Variants in NTNG2 observed in about 807,000 individuals in gnomAD.
The protein encoded by NTNG2 is netrin-G2.
NTNG2 carries 15 observed loss-of-function variants against 47.6 expected under a neutral mutation model. The observed-to-expected ratio is 0.32, with a 90% confidence interval of 0.21 to 0.49. The LOEUF is 0.49. NTNG2 is among the 20% of genes least tolerant of loss of function. NTNG2 has a pLI of 0.99. For missense variants in NTNG2, 578 were observed against 764.6 expected, an observed-to-expected ratio of 0.76 and a Z score of 2.88; for synonymous variants, 307 against 324.6, an observed-to-expected ratio of 0.95 and a Z score of 0.58.
At chr9:132,234,431 A>C (rs1320831926) in intron 5 of NTNG2, among the ~76,000 whole-genome samples, 1 of 152,210 alleles carries the variant, frequency 6.6e-6, no homozygotes, top group African/African-American at 2.4e-5. Flanking sequence ...CATGGCGAGA[A>C]CTTGCTTCCC....
chr9:132,179,594 G>A lies in NTNG2; in HGVS notation c.213+12550G>A, dbSNP rs73658418. On this transcript the variant is annotated intron_variant, in intron 2 of 7. Coordinates refer to ENST00000393229, the MANE Select transcript of NTNG2 (RefSeq NM_032536.4). ...TGTGCTGGACGCCTGGGAGCCTCATGAGTGAGAGACTGGGGCACACGTGCT... is the reference window on the plus strand; with the variant it reads ...TGTGCTGGACGCCTGGGAGCCTCATAAGTGAGAGACTGGGGCACACGTGCT... 2.0e-3 allele frequency among the ~76,000 whole-genome samples: 304 copies of A among 152,342 alleles called. 5 individuals are homozygous for A. Among genetic ancestry groups the A allele is most frequent in the African/African-American group, 6.5e-3 (269 of 41,586 alleles).
At chr9:132,205,502 C>T (rs28584157) in intron 3 of NTNG2, among the ~76,000 whole-genome samples, 1 of 152,130 alleles carries the variant, frequency 6.6e-6, no homozygotes, top group Admixed American at 6.5e-5. Context: ...CTTCAGTTTG[C>T]GATGATTTAA....
chr9:132,188,506 C>T (rs575826663), intron 2 of NTNG2, among the ~76,000 whole-genome samples: 10 of 152,350 alleles, frequency 6.6e-5, no homozygotes, highest in Admixed American at 2.0e-4. Flanking sequence ...CATGACCCTG[C>T]GACATTGCTC....
At chr9:132,219,586 AAAGAAAGAAAGAAAG>A (rs1197276960) in intron 3 of NTNG2, among the ~76,000 whole-genome samples, 1 of 144,842 alleles carries the variant, frequency 6.9e-6, no homozygotes. Context: ...AAAAAAAAAA[AAAGAAAGAAAGAAAG>A]AAAGAAATTA....
At chr9:132,185,394 C>T (rs1354557554) in intron 2 of NTNG2, among the ~76,000 whole-genome samples, 1 of 152,160 alleles carries the variant, frequency 6.6e-6, no homozygotes, top group Non-Finnish European at 1.5e-5. Flanking sequence ...GCCAGGGGGG[C>T]CTGTCCCTCA....
chr9:132,188,426 AT>A (rs1193313469), intron 2 of NTNG2, among the ~76,000 whole-genome samples: 14 of 152,062 alleles, frequency 9.2e-5, no homozygotes, highest in African/African-American at 3.4e-4. Flanking sequence ...CCATTTCCCA[AT>A]TTGTCTCAGG....
chr9:132,200,669 G>GGGCAAA (rs1229293790), intron 3 of NTNG2, among the ~76,000 whole-genome samples: 1 of 152,164 alleles, frequency 6.6e-6, no homozygotes, highest in African/African-American at 2.4e-5. Context: ...GATTCCAGGT[G>GGGCAAA]GGCAAAGGCA....
At chr9:132,175,310 G>A (rs747851628) in intron 2 of NTNG2, among the ~76,000 whole-genome samples, 7 of 152,170 alleles carry the variant, frequency 4.6e-5, no homozygotes, top group Non-Finnish European at 1.0e-4. Flanking sequence ...CTGACCGCTC[G>A]CTAGGGTTAG....
chr9:132,181,142 G>A (rs1480885366), intron 2 of NTNG2, among the ~76,000 whole-genome samples: 2 of 151,838 alleles, frequency 1.3e-5, no homozygotes, highest in Admixed American at 6.6e-5. Flanking sequence ...GGAGTGCAGT[G>A]AAGCAGTCTT....
At position 132,197,952 on chromosome 9, in the gene NTNG2, T is replaced by C. The variant is rs766954267; in HGVS notation, c.214-14T>C. 9.4e-6 allele frequency: 15 copies of C among 1,600,342 alleles called. No homozygotes were observed. The African/African-American group carries it at 2.0e-4, about 21-fold the overall frequency. On this transcript the variant is annotated splice_polypyrimidine_tract_variant and intron_variant, in intron 2 of 7. Transcript: ENST00000393229. The surrounding 1 kb of genome is among the most constrained non-coding windows in gnomAD (Gnocchi z 4.3). ...TCCAGCACCCACCCTTCCCTTCTCCTCTCCCCGCTGCAGGAGAATCCCTAC... is the reference window on the plus strand; with the variant it reads ...TCCAGCACCCACCCTTCCCTTCTCCCCTCCCCGCTGCAGGAGAATCCCTAC...
chr9:132,227,169 A>C, intron 4 of NTNG2, 148 bp downstream of exon 4: 2 of 890,198 alleles, frequency 2.2e-6, no homozygotes, highest in Non-Finnish European at 3.3e-6. Flanking sequence ...ACACAGAAAC[A>C]TACGAGCATG....
chr9:132,196,260 G>A (rs1838306172), intron 2 of NTNG2, among the ~76,000 whole-genome samples: 1 of 152,056 alleles, frequency 6.6e-6, no homozygotes, highest in Admixed American at 6.5e-5. Flanking sequence ...GCACGATCTC[G>A]GCTCACTGCA....
chr9:132,183,684 G>A (rs1295270700), intron 2 of NTNG2, among the ~76,000 whole-genome samples: 1 of 152,178 alleles, frequency 6.6e-6, no homozygotes, highest in East Asian at 1.9e-4. Context: ...GTGACCTTGA[G>A]CAAGCATCTG....
intron 2 of NTNG2, among the ~76,000 whole-genome samples, chr9:132,179,335 CTA>C (rs1270877524): frequency 6.6e-6 from 1 of 152,198 alleles, no homozygotes; most frequent in African/African-American, 2.4e-5. Flanking sequence ...GAGCTCCCGC[CTA>C]TGTGTCACTA....
intron 2 of NTNG2, among the ~76,000 whole-genome samples, chr9:132,191,763 G>A (rs979488821): frequency 9.2e-5 from 14 of 152,044 alleles, no homozygotes; most frequent in East Asian, 1.9e-4. Flanking sequence ...TAGTAGAGAC[G>A]GGGTTTCACT....
rs926674070 is a variant in NTNG2 at position 132,162,164 on chromosome 9, G to C, written c.-559G>C. The C allele has an allele frequency of 2.6e-5, 4 of 152,586 alleles. No homozygotes were observed. Among genetic ancestry groups the C allele is most frequent in the East Asian group, 1.9e-4 (1 of 5,148 alleles). 9.5% of individuals were successfully genotyped at this position (152,586 alleles called of 1,614,324 possible). ...GCCCCCACCCAGCGCCAGCCCGAGG[G>C]GGGAGGCGCAGCGCCGGAGGGTGGC... On this transcript the variant is annotated 5_prime_UTR_variant, in exon 1 of 8. Coordinates refer to ENST00000393229, the MANE Select transcript of NTNG2 (RefSeq NM_032536.4). The surrounding 1 kb of genome is among the most constrained non-coding windows in gnomAD (Gnocchi z 4.6).
chr9:132,234,542 A>T (rs1244766663), intron 5 of NTNG2, among the ~76,000 whole-genome samples: 2 of 152,202 alleles, frequency 1.3e-5, no homozygotes, highest in African/African-American at 2.4e-5. Flanking sequence ...GCCTCCCAAC[A>T]GGTGCTTCGG....
chr9:132,232,175 T>A (rs908935502), intron 5 of NTNG2: 2 of 152,418 alleles, frequency 1.3e-5, no homozygotes, highest in Admixed American at 1.3e-4. Flanking sequence ...TATCTCCCAA[T>A]GGTGCTTCTG....
In NTNG2 at chr9:132,221,987, G is replaced by T. The variant is rs989834404; in HGVS notation, c.858-4862G>T. On this transcript the variant is annotated intron_variant, in intron 3 of 7. Transcript: ENST00000393229. The surrounding 1 kb of genome is among the most constrained non-coding windows in gnomAD (Gnocchi z 4.2). ...GCCAGCAGTGCGGAGCACAGCCCCG[G>T]TTCCGTACAGCTGAGGTGTTCCTCT... Among the ~76,000 whole-genome samples, 4 of 152,248 alleles carry T rather than the reference G, an allele frequency of 2.6e-5. No homozygotes were observed. Among genetic ancestry groups the T allele is most frequent in the South Asian group, 4.1e-4 (2 of 4,838 alleles).
Sources: allele counts gnomAD v4.1 joint callset (sites outside exome capture counted in the v4.1 genomes callset), GRCh38; gene constraint gnomAD v4.1.1; non-coding constraint Gnocchi (gnomAD v3.1); transcripts MANE v1.5; gene names NCBI Gene and HGNC (gene_info 2026-07-23, HGNC 2026-07-21).